The following SLC13A4 variants were observed in gnomAD, a reference collection of about 807,000 sequenced individuals.
SLC13A4 encodes the protein solute carrier family 13 member 4.
SLC13A4 carries 28 observed loss-of-function variants against 72.7 expected under a neutral mutation model. That is an observed-to-expected ratio of 0.39 (90% CI 0.29 to 0.53). SLC13A4 has a LOEUF of 0.53. SLC13A4 is among the 20% of genes least tolerant of loss of function. The pLI is 0.78. For missense variants in SLC13A4, 653 were observed against 788.0 expected, an observed-to-expected ratio of 0.83 and a Z score of 2.05; for synonymous variants, 312 against 325.5, an observed-to-expected ratio of 0.96 and a Z score of 0.45.
intron 2 of SLC13A4, among the ~76,000 whole-genome samples, chr7:135,712,157 C>T (rs561355435): frequency 2.4e-4 from 37 of 151,646 alleles, no homozygotes; most frequent in Non-Finnish European, 4.3e-4. Flanking sequence ...CATTTATAAT[C>T]GCAGTCCTGA....
In SLC13A4 at chr7:135,681,460, G is replaced by A. The variant is rs1795498589; in HGVS notation, c.*103C>T. 6.8e-7 allele frequency: 1 copy of A among 1,467,018 alleles called. No homozygotes were observed. Among genetic ancestry groups the A allele is most frequent in the South Asian group, 1.3e-5 (1 of 75,216 alleles). The allele number at this position is 1,467,018 out of a possible 1,614,324, so 90.9% of individuals were successfully genotyped here. ...AGGGATGCCCTCCGGCGTGGGTCTG[G>A]GGTTGTGTGCTCCTGGTGGTCCTAG... On this transcript the variant is annotated 3_prime_UTR_variant, in exon 16 of 16. Coordinates refer to ENST00000682651, the MANE Select transcript of SLC13A4 (RefSeq NM_001318192.2).
intron 2 of SLC13A4, among the ~76,000 whole-genome samples, chr7:135,714,555 G>T (rs1444354788): frequency 6.6e-6 from 1 of 152,230 alleles, no homozygotes; most frequent in Non-Finnish European, 1.5e-5. Flanking sequence ...GTGGCTGAGG[G>T]TGAGGGCAGC....
intron 13 of SLC13A4, among the ~76,000 whole-genome samples, chr7:135,690,695 T>C (rs1359607126): frequency 2.7e-5 from 4 of 148,958 alleles, no homozygotes; most frequent in Admixed American, 2.1e-4. Context: ...GCACAGCCCA[T>C]CTGTTCCTCT....
At position 135,690,574 on chromosome 7, in the gene SLC13A4, G is replaced by C. The variant is rs573113046; in HGVS notation, c.1446+627C>G. Among the ~76,000 whole-genome samples the C allele has an allele frequency of 2.0e-5, 3 of 152,134 alleles. No individual in the cohort carries two copies. In the South Asian group the frequency reaches 6.2e-4, roughly 32 times the overall value. On this transcript the variant is annotated intron_variant, in intron 13 of 15. Transcript: ENST00000682651. ...CTATCTCCTGTTACCATCTCCTATT[G>C]CCACTGTCAAATCCCAGAAGGAGAT...
chr7:135,702,839 C>A lies in SLC13A4; in HGVS notation c.633+6G>T, dbSNP rs748967649. 1 of 1,613,324 alleles carries A rather than the reference C, an allele frequency of 6.2e-7. No homozygotes were observed. Among genetic ancestry groups the A allele is most frequent in the Non-Finnish European group, 8.5e-7 (1 of 1,179,228 alleles). ...TCCAAAGCACAGAAAAACCCCAAGG[C>A]CATACCTCGTTGTGCATCAGAGTGG... is the stretch of plus-strand genomic sequence containing the variant. On this transcript the variant is annotated splice_donor_region_variant and intron_variant, in intron 6 of 15. Transcript: ENST00000682651.
intron 13 of SLC13A4, 97 bp downstream of exon 13, chr7:135,691,104 C>G (rs1795774599): frequency 1.8e-6 from 2 of 1,120,204 alleles, no homozygotes; most frequent in Admixed American, 5.8e-5. Context: ...GCGGAGGTTG[C>G]AGTGAGCTGA....
intron 12 of SLC13A4, 92 bp downstream of exon 12, chr7:135,691,444 GGGGGGTGGGAAT>G: frequency 1.3e-6 from 1 of 782,930 alleles, no homozygotes; most frequent in Non-Finnish European, 2.0e-6. Context: ...GGGGCCGGGA[GGGGGGTGGGAAT>G]CTGAAGGACC....
chr7:135,697,918 C>T lies in SLC13A4; in HGVS notation c.899+1446G>A, dbSNP rs570093697. Among the ~76,000 whole-genome samples, 20 of 152,334 alleles carry T rather than the reference C, an allele frequency of 1.3e-4. No homozygotes were observed. The East Asian group carries it at 2.5e-3, about 19-fold the overall frequency. On this transcript the variant is annotated intron_variant, in intron 8 of 15. Transcript: ENST00000682651. The stretch of plus-strand genomic sequence containing the variant: ...GCCTCTTCAGGGAGGCATTTCCTCC[C>T]TGCAAATGGGCGAGCTCTCCCAGCA...
At chr7:135,708,033 A>G (rs1796207930) in intron 3 of SLC13A4, 81 bp downstream of exon 3, 3 of 1,537,882 alleles carry the variant, frequency 2.0e-6, no homozygotes, top group Middle Eastern at 1.7e-4. Context: ...GACATCCCGC[A>G]GTGACCTGAG....
chr7:135,721,405 C>G lies in SLC13A4; in HGVS notation c.218G>C (p.Arg73Pro), dbSNP rs748793188. 8 of 1,613,830 alleles carry G rather than the reference C, an allele frequency of 5.0e-6. No homozygotes were observed. The highest frequency in any genetic ancestry group is 6.8e-6 in the Non-Finnish European group (8 of 1,179,924). The change falls in exon 2 of 16, where the codon CGG (arginine) becomes CCG (proline). Residue 73 changes from arginine (R) to proline (P), a missense_variant. Transcript: ENST00000682651. ...AFLYPFFGVL[R>P]SNEVAAEYFK... ...TACAAGTAGTCTAACCTCATTGGACCGGAGGACTCCGAAGAACGGGTAAAG... is the reference window on the plus strand; with the variant it reads ...TACAAGTAGTCTAACCTCATTGGACGGGAGGACTCCGAAGAACGGGTAAAG...
Position 135,721,446 on chromosome 7 carries a change from G to T in SLC13A4, c.177C>A (p.Ala59=). 1 of 1,614,126 alleles carries T rather than the reference G, an allele frequency of 6.2e-7. No homozygotes were observed. The highest frequency in any genetic ancestry group is 1.1e-5 in the South Asian group (1 of 91,088). The change falls in exon 2 of 16, where the codon GCC becomes GCA. Residue 59 remains alanine (A), a synonymous_variant. Coordinates refer to ENST00000682651, the MANE Select transcript of SLC13A4 (RefSeq NM_001318192.2). ...VSEAVPLGAA[A]LVPAFLYPFF... ...ACGGGTAAAGGAAGGCCGGCACCAG[G>T]GCTGCAGCTCCCAGAGGCACTGCCT...
In SLC13A4 at chr7:135,728,123, CAT is replaced by C. The variant is rs1263000993; in HGVS notation, c.-629_-628del. On this transcript the variant is annotated 5_prime_UTR_variant, in exon 1 of 16. The change abolishes an upstream ATG in the 5' untranslated region. Coordinates refer to ENST00000682651, the MANE Select transcript of SLC13A4 (RefSeq NM_001318192.2). ...GGACGTGGTACCTTAACTCTGTTCACATGTCTTTCCCTCAAATTGGTTCCCTA... is the reference window on the plus strand; with the variant it reads ...GGACGTGGTACCTTAACTCTGTTCACGTCTTTCCCTCAAATTGGTTCCCTA... 3 of 152,232 alleles carry C rather than the reference CAT, an allele frequency of 2.0e-5. No individual in the cohort carries two copies. Among genetic ancestry groups the C allele is most frequent in the Non-Finnish European group, 1.5e-5 (1 of 68,074 alleles). The allele number at this position is 152,232 out of a possible 1,614,324, so 9.4% of individuals were successfully genotyped here.
intron 15 of SLC13A4, chr7:135,683,318 A>AAG: frequency 1.2e-6 from 1 of 868,456 alleles, no homozygotes; most frequent in Non-Finnish European, 1.4e-6. Context: ...AAAAAAAAAA[A>AAG]AAAAAAGGAT....
At chr7:135,719,014 T>C (rs1229009714) in intron 2 of SLC13A4, among the ~76,000 whole-genome samples, 1 of 152,228 alleles carries the variant, frequency 6.6e-6, no homozygotes, top group African/African-American at 2.4e-5. Flanking sequence ...GCCCAACTAC[T>C]AAATATCATC....
intron 6 of SLC13A4, 122 bp from the exon 7 acceptor site, chr7:135,701,882 A>T (rs1324589823): frequency 1.1e-6 from 1 of 892,402 alleles, no homozygotes; most frequent in Non-Finnish European, 1.7e-6. Flanking sequence ...ACCAGAGGCC[A>T]GAAGCCAGGG....
chr7:135,718,407 C>G (rs1796477558), intron 2 of SLC13A4, among the ~76,000 whole-genome samples: 1 of 152,078 alleles, frequency 6.6e-6, no homozygotes, highest in Non-Finnish European at 1.5e-5. Context: ...GACACATTGT[C>G]AAGAAACACT....
chr7:135,695,228 C>A, intron 9 of SLC13A4, 140 bp downstream of exon 9: 1 of 1,127,076 alleles, frequency 8.9e-7, no homozygotes, highest in South Asian at 1.6e-5. Flanking sequence ...GACTCTCAGA[C>A]CAGACCACTG....
Position 135,706,171 on chromosome 7 carries a change from C to T in SLC13A4, c.495G>A (p.Gln165=). The part of the protein sequence containing the change: ...LQELVSAEDE[Q]LVAGNSNTEE... ...CGGTGTTGGAGTTGCCCGCCACGAG[C>T]TGCTCGTCCTCAGCACTGACCAGCT... The change falls in exon 4 of 16, where the codon CAG becomes CAA. Residue 165 remains glutamine (Q), a synonymous_variant. Coordinates refer to ENST00000682651, the MANE Select transcript of SLC13A4 (RefSeq NM_001318192.2). 1.2e-6 allele frequency: 2 copies of T among 1,609,604 alleles called. No individual in the cohort carries two copies. The highest frequency in any genetic ancestry group is 1.7e-6 in the Non-Finnish European group (2 of 1,176,348).
intron 2 of SLC13A4, among the ~76,000 whole-genome samples, chr7:135,717,833 G>A (rs1224227900): frequency 2.6e-5 from 4 of 152,120 alleles, no homozygotes; most frequent in Non-Finnish European, 4.4e-5. Flanking sequence ...TCGAGGGCCT[G>A]ACTAGAACAA....
Sources: allele counts gnomAD v4.1 joint callset (sites outside exome capture counted in the v4.1 genomes callset), GRCh38; gene constraint gnomAD v4.1.1; transcripts MANE v1.5; gene names NCBI Gene and HGNC (gene_info 2026-07-23, HGNC 2026-07-21).